TNFRSF21: variants seen among roughly 807,000 people sequenced by gnomAD.
TNFRSF21 encodes tumor necrosis factor receptor superfamily member 21.
TNFRSF21 carries 19 observed loss-of-function variants against 45.6 expected under a neutral mutation model. The ratio of observed to expected loss-of-function variants is 0.42; its 90% CI spans 0.29 to 0.61. The LOEUF (loss-of-function observed/expected upper bound fraction) is 0.61. Among genes scored for constraint, TNFRSF21 ranks in the 20% least tolerant of loss-of-function variants. TNFRSF21 has a pLI of 0.23. For missense variants in TNFRSF21, 737 were observed against 851.5 expected (o/e 0.87, Z 1.67); for synonymous variants, 314 against 335.5 (o/e 0.94, Z 0.70).
In TNFRSF21 at chr6:47,284,191, G is replaced by T; in HGVS notation, c.990C>A (p.Gly330=). The T allele has an allele frequency of 6.2e-7, 1 of 1,614,200 alleles. No homozygotes were observed. The highest frequency in any genetic ancestry group is 8.5e-7 in the Non-Finnish European group (1 of 1,180,036). ...TCTGTCTAGGATGTCCCCTCTTGGG[G>T]CCCTTGATGGGCGTGCTGGACTTCT... ...GGEKSSTPIK[G]PKRGHPRQNL... Residue 330 remains glycine, a synonymous_variant, in exon 3 of 6, where the codon GGC becomes GGA. Transcript: ENST00000296861.
intron 1 of TNFRSF21, among the ~76,000 whole-genome samples, chr6:47,297,481 C>T (rs1015074522): frequency 4.0e-5 from 6 of 149,420 alleles, no homozygotes; most frequent in African/African-American, 7.4e-5. Flanking sequence ...AATTTTCTAA[C>T]GAGTGATGGA....
Position 47,265,402 on chromosome 6 carries a change from T to G in TNFRSF21, c.1244-11881A>C, listed in dbSNP as rs185143933. The stretch of plus-strand genomic sequence containing the variant: ...GTTTTGTTTTGTTTTGTTTTGTTTT[T>G]TTTAAATCAACCACAAAAGGTTAGA... On this transcript the variant is annotated intron_variant, in intron 3 of 5. Transcript: ENST00000296861. 3.8e-4 allele frequency among the ~76,000 whole-genome samples: 57 copies of G among 151,676 alleles called. 1 individual carries two copies. The East Asian group carries it at 7.5e-3, about 20-fold the overall frequency.
At chr6:47,307,534 G>T (rs567230357) in intron 1 of TNFRSF21, among the ~76,000 whole-genome samples, 1 of 151,944 alleles carries the variant, frequency 6.6e-6, no homozygotes, top group African/African-American at 2.4e-5. Flanking sequence ...GCACACCACC[G>T]CCACACCCAC....
intron 3 of TNFRSF21, among the ~76,000 whole-genome samples, chr6:47,266,856 A>G (rs553585289): frequency 6.6e-6 from 1 of 152,258 alleles, no homozygotes; most frequent in African/African-American, 2.4e-5. Flanking sequence ...TTCCCTCTGC[A>G]CAGCTTCCCT....
chr6:47,293,400 G>A (rs1762754252), intron 1 of TNFRSF21, among the ~76,000 whole-genome samples: 1 of 152,188 alleles, frequency 6.6e-6, no homozygotes, highest in African/African-American at 2.4e-5. Context: ...TGTAGGTATT[G>A]ACTATGGCTG....
chr6:47,240,647 C>T lies in TNFRSF21; in HGVS notation c.1510-5749G>A, dbSNP rs574635052. Among the ~76,000 whole-genome samples, 47 of 152,284 alleles carry T rather than the reference C, an allele frequency of 3.1e-4. No homozygotes were observed. The South Asian group carries it at 7.7e-3, about 25-fold the overall frequency. On this transcript the variant is annotated intron_variant, in intron 4 of 5. Transcript: ENST00000296861. Reference sequence around the variant, plus strand: ...ACAAACCCTGTAAACTGATTACAAGCGATCACATGACCACAGGGCATTGCC... The same window carrying T: ...ACAAACCCTGTAAACTGATTACAAGTGATCACATGACCACAGGGCATTGCC...
At chr6:47,281,096 A>T (rs151130731) in intron 3 of TNFRSF21, among the ~76,000 whole-genome samples, 181 of 152,226 alleles carry the variant, frequency 1.2e-3, no homozygotes, top group Non-Finnish European at 1.4e-3. Context: ...CAAGGGCCTT[A>T]TTGGGTCAAC....
Position 47,232,678 on chromosome 6 carries a change from AAAC to A in TNFRSF21, c.*84_*86del. On this transcript the variant is annotated 3_prime_UTR_variant, in exon 6 of 6. Transcript: ENST00000296861. ...ACACACAAACACACACACACACCCC[AAAC>A]AACAAAAATCAGAAACAGAAGAAAA... The A allele has an allele frequency of 1.6e-6, 2 of 1,243,196 alleles. No individual in the cohort carries two copies. The highest frequency in any genetic ancestry group is 2.7e-5 in the South Asian group (2 of 73,286). 77.0% of individuals were successfully genotyped at this position (1,243,196 alleles called of 1,614,324 possible). A position where few individuals can be genotyped will look rare whatever the true frequency, so the allele number is the denominator to read the frequency against.
intron 1 of TNFRSF21, among the ~76,000 whole-genome samples, chr6:47,295,021 T>C (rs1762774520): frequency 6.6e-6 from 1 of 152,228 alleles, no homozygotes; most frequent in South Asian, 2.1e-4. Context: ...TCCCAAACTG[T>C]ACAGGATTTA....
At position 47,253,791 on chromosome 6, in the gene TNFRSF21, G is replaced by A. The variant is rs549398462; in HGVS notation, c.1244-270C>T. ...TAAATCAGACCCAAAAAGATGTTTC[G>A]AAAGCCAAACCCAAATAAGGTATTC... is the stretch of plus-strand genomic sequence containing the variant. On this transcript the variant is annotated intron_variant, in intron 3 of 5. Transcript: ENST00000296861. 2.5e-3 allele frequency among the ~76,000 whole-genome samples: 374 copies of A among 152,230 alleles called. 1 individual carries two copies. The highest frequency in any genetic ancestry group is 6.8e-3 in the Middle Eastern group (2 of 294).
At chr6:47,290,726 C>A (rs765991867) in intron 1 of TNFRSF21, among the ~76,000 whole-genome samples, 1 of 152,154 alleles carries the variant, frequency 6.6e-6, no homozygotes, top group Non-Finnish European at 1.5e-5. Flanking sequence ...TTCCAGCTCC[C>A]GCAAGCAGAG....
chr6:47,285,197 G>A (rs978270296), intron 2 of TNFRSF21, among the ~76,000 whole-genome samples: 1 of 151,914 alleles, frequency 6.6e-6, no homozygotes, highest in African/African-American at 2.4e-5. Context: ...ATGCATGAGA[G>A]GACACTAGGA....
Position 47,272,819 on chromosome 6 carries a change from T to C in TNFRSF21, c.1243+11119A>G, listed in dbSNP as rs546185181. Among the ~76,000 whole-genome samples the C allele has an allele frequency of 3.2e-3, 488 of 152,244 alleles. 3 individuals are homozygous for C. Among genetic ancestry groups the C allele is most frequent in the African/African-American group, 0.011 (451 of 41,534 alleles). ...AGAATCAAATTGATGCAATAAAAAA[T>C]GATAAAAGGGATATCACCACCGATC... On this transcript the variant is annotated intron_variant, in intron 3 of 5. Coordinates refer to ENST00000296861, the MANE Select transcript of TNFRSF21 (RefSeq NM_014452.5).
chr6:47,258,773 AAG>A (rs1765027514), intron 3 of TNFRSF21, among the ~76,000 whole-genome samples: 1 of 152,168 alleles, frequency 6.6e-6, no homozygotes, highest in Non-Finnish European at 1.5e-5. Context: ...CCCTAAAAGA[AAG>A]AGAAAAAGAG....
At chr6:47,269,313 TA>T (rs1414899918) in intron 3 of TNFRSF21, among the ~76,000 whole-genome samples, 1 of 151,976 alleles carries the variant, frequency 6.6e-6, no homozygotes, top group Non-Finnish European at 1.5e-5. Flanking sequence ...TTCCAAAAAA[TA>T]AAATGAAAAC....
At chr6:47,307,186 C>G (rs1048464296) in intron 1 of TNFRSF21, among the ~76,000 whole-genome samples, 3 of 152,138 alleles carry the variant, frequency 2.0e-5, no homozygotes, top group Non-Finnish European at 4.4e-5. Context: ...CATGCCATTT[C>G]ATGAATTTAC....
intron 5 of TNFRSF21, 147 bp from the exon 6 acceptor site, chr6:47,233,141 G>T: frequency 1.5e-6 from 1 of 689,378 alleles, no homozygotes; most frequent in Middle Eastern, 4.1e-4. Flanking sequence ...GAGAGAGTGA[G>T]TGATCCTCTG....
In TNFRSF21 at chr6:47,309,751, A is replaced by G; in HGVS notation, c.-240T>C. 1 of 438,714 alleles carries G rather than the reference A, an allele frequency of 2.3e-6. No homozygotes were observed. The highest frequency in any genetic ancestry group is 6.8e-5 in the South Asian group (1 of 14,624). The allele number at this position is 438,714 out of a possible 1,614,324, so 27.2% of individuals were successfully genotyped here. On this transcript the variant is annotated 5_prime_UTR_variant, in exon 1 of 6. Coordinates refer to ENST00000296861, the MANE Select transcript of TNFRSF21 (RefSeq NM_014452.5). ...GGCGGGGAGAAGCCGCCGCGACTGCAGCCCGCGTCTCCGGGTGCTCTCCTC... is the reference window on the plus strand; with the variant it reads ...GGCGGGGAGAAGCCGCCGCGACTGCGGCCCGCGTCTCCGGGTGCTCTCCTC...
At chr6:47,234,554 G>T in intron 5 of TNFRSF21, 116 bp downstream of exon 5, 1 of 831,852 alleles carries the variant, frequency 1.2e-6, no homozygotes, top group South Asian at 1.6e-5. Context: ...TCCTGGGCAG[G>T]TAATTCAGAT....
Sources: gnomAD v4.1 joint callset for allele counts (sites outside exome capture counted in the v4.1 genomes callset) on GRCh38, gnomAD v4.1.1 for gene constraint, MANE v1.5 for transcripts, NCBI Gene and HGNC (gene_info 2026-07-23, HGNC 2026-07-21) for gene names.